RRAS2: variants seen among roughly 807,000 people sequenced by gnomAD.
RRAS2 encodes the protein RAS related 2.
A neutral mutation model predicts 27.6 loss-of-function variants in RRAS2; 7 were observed. The ratio of observed to expected loss-of-function variants is 0.25; its 90% CI spans 0.14 to 0.48. The LOEUF (loss-of-function observed/expected upper bound fraction) is 0.48, where lower values mean the gene tolerates loss of function less well. Ranked by LOEUF, RRAS2 falls within the 20% of genes least tolerant of loss-of-function variation. RRAS2 has a pLI of 0.99. For synonymous variants in RRAS2, 86 were observed against 90.9 expected (o/e 0.95, Z 0.31); for missense variants, 178 against 256.2 (o/e 0.69, Z 2.08).
At chr11:14,312,322 T>C in intron 1 of RRAS2, among the ~76,000 whole-genome samples, 1 of 152,250 alleles carries the variant, frequency 6.6e-6, no homozygotes, top group East Asian at 1.9e-4. Context: ...TGATATACTA[T>C]TCATTTGACA....
intron 1 of RRAS2, among the ~76,000 whole-genome samples, chr11:14,326,561 G>C (rs1324404020): frequency 6.6e-6 from 1 of 152,086 alleles, no homozygotes; most frequent in African/African-American, 2.4e-5. Flanking sequence ...TGTTAAATCA[G>C]TAAAAGAATT....
chr11:14,287,485 C>CCATT (rs1849692909), intron 4 of RRAS2, among the ~76,000 whole-genome samples: 1 of 152,046 alleles, frequency 6.6e-6, no homozygotes, highest in Admixed American at 6.6e-5. Flanking sequence ...CTTTCCTGCT[C>CCATT]CATTATTCCT....
upstream of RRAS2, chr11:14,359,193 G>T: frequency 1.0e-6 from 1 of 998,958 alleles, no homozygotes; most frequent in Non-Finnish European, 1.2e-6. Context: ...TGGGGGCCGG[G>T]CTGCCAGGCT....
intron 1 of RRAS2, among the ~76,000 whole-genome samples, chr11:14,319,406 C>T (rs1554949976): frequency 1.6e-5 from 2 of 125,920 alleles, no homozygotes; most frequent in Non-Finnish European, 1.6e-5. Context: ...GGCCGGACTG[C>T]GGACTGCAGT....
chr11:14,352,116 T>C (rs2349300), intron 1 of RRAS2, among the ~76,000 whole-genome samples: 22,603 of 152,204 alleles, frequency 0.15, 1,901 homozygotes, highest in African/African-American at 0.2. Flanking sequence ...TTAACACTTA[T>C]ATTCTTATTT....
chr11:14,298,735 C>T (rs1365678216), intron 1 of RRAS2, among the ~76,000 whole-genome samples: 1 of 152,084 alleles, frequency 6.6e-6, no homozygotes, highest in Admixed American at 6.6e-5. Context: ...CACATTGAAA[C>T]AATCCTCCTC....
chr11:14,336,639 G>A (rs1848593896), intron 1 of RRAS2, among the ~76,000 whole-genome samples: 1 of 152,132 alleles, frequency 6.6e-6, no homozygotes, highest in Admixed American at 6.5e-5. Context: ...AGGGACAGAA[G>A]AATCAACAAA....
chr11:14,322,618 A>C (rs1265567446), intron 1 of RRAS2, among the ~76,000 whole-genome samples: 9 of 152,212 alleles, frequency 5.9e-5, no homozygotes, highest in African/African-American at 1.7e-4. Context: ...ATCATCCAAC[A>C]AGTAATTCCT....
At chr11:14,359,894 A>C (rs1849165630), upstream of RRAS2, among the ~76,000 whole-genome samples, 1 of 152,218 alleles carries the variant, frequency 6.6e-6, no homozygotes, top group African/African-American at 2.4e-5. Context: ...TTTAATAAGA[A>C]TTAAATGAGC....
intron 1 of RRAS2, among the ~76,000 whole-genome samples, chr11:14,344,593 C>A (rs1848789311): frequency 6.6e-6 from 1 of 152,184 alleles, no homozygotes; most frequent in Admixed American, 6.5e-5. Context: ...CCTTTCAGCT[C>A]GCATCTTTTG....
At chr11:14,350,207 T>C (rs531271456) in intron 1 of RRAS2, among the ~76,000 whole-genome samples, 1 of 152,316 alleles carries the variant, frequency 6.6e-6, no homozygotes, top group African/African-American at 2.4e-5. Flanking sequence ...ACTGTAAGTT[T>C]GGTTTGTGCG....
intron 2 of RRAS2, 34 bp from the exon 3 acceptor site, chr11:14,294,896 T>C (rs782046167): frequency 3.8e-6 from 6 of 1,589,230 alleles, no homozygotes; most frequent in Non-Finnish European, 5.2e-6. Context: ...ATTATACTTG[T>C]TTTTTATAAA....
At chr11:14,355,593 T>C (rs1307483516) in intron 1 of RRAS2, among the ~76,000 whole-genome samples, 1 of 152,222 alleles carries the variant, frequency 6.6e-6, no homozygotes, top group Non-Finnish European at 1.5e-5. Context: ...CAACTCTTCA[T>C]ATGAACAGAA....
rs1243664921 is a variant in RRAS2 at position 14,354,691 on chromosome 11, TTTGAGACAAGAG to T, written c.108+4060_108+4071del. 2.0e-5 allele frequency among the ~76,000 whole-genome samples: 3 copies of T among 149,882 alleles called. No homozygotes were observed. The East Asian group carries it at 5.8e-4, about 29-fold the overall frequency. ...CAATTTCTTTTTTTTTTTTTTTTTT[TTTGAGACAAGAG>T]TCTCACTCTGCTGCCCAGGCTGGAG... On this transcript the variant is annotated intron_variant, in intron 1 of 5. Transcript: ENST00000256196.
intron 1 of RRAS2, among the ~76,000 whole-genome samples, chr11:14,305,151 T>C (rs142574362): frequency 3.9e-5 from 6 of 152,268 alleles, no homozygotes; most frequent in Non-Finnish European, 5.9e-5. Flanking sequence ...TTGCCTTCCA[T>C]ACATTTTCAG....
intron 1 of RRAS2, 32 bp from the exon 2 acceptor site, chr11:14,295,887 T>G: frequency 6.3e-7 from 1 of 1,597,352 alleles, no homozygotes; most frequent in Non-Finnish European, 8.5e-7. Flanking sequence ...TATTTTAAAA[T>G]TCATGGCCAG....
At chr11:14,348,919 G>A (rs974182042) in intron 1 of RRAS2, among the ~76,000 whole-genome samples, 16 of 152,222 alleles carry the variant, frequency 1.1e-4, no homozygotes, top group Middle Eastern at 3.4e-3. Context: ...ACAGATGTAC[G>A]CATGTGTATC....
intron 1 of RRAS2, among the ~76,000 whole-genome samples, chr11:14,319,447 T>C (rs1475383813): frequency 1.5e-5 from 2 of 136,320 alleles, no homozygotes; most frequent in Non-Finnish European, 3.1e-5. Flanking sequence ...CAAGCTCCAC[T>C]TCCCGGGTTC....
chr11:14,293,124 A>AGTATATATATATATAT (rs1376616443), intron 4 of RRAS2, among the ~76,000 whole-genome samples: 18 of 76,822 alleles, frequency 2.3e-4, no homozygotes, highest in African/African-American at 1.9e-4. Flanking sequence ...AAACAAAACA[A>AGTATATATATATATAT]ATATATATAT....
Sources: allele counts gnomAD v4.1 joint callset (sites outside exome capture counted in the v4.1 genomes callset), GRCh38; gene constraint gnomAD v4.1.1; transcripts MANE v1.5; gene names NCBI Gene and HGNC (gene_info 2026-07-23, HGNC 2026-07-21).